Variants in ENTPD4 observed in about 807,000 individuals in gnomAD.
ENTPD4 encodes the protein Golgi UDPase.
A neutral mutation model predicts 79.1 loss-of-function variants in ENTPD4; 60 were observed. The observed-to-expected ratio is 0.76, with a 90% CI of 0.62 to 0.94. ENTPD4 has a LOEUF of 0.94. Ranked by LOEUF, ENTPD4 falls within the 40% of genes least tolerant of loss-of-function variation. ENTPD4 has a pLI of 0.00. For missense variants in ENTPD4, 772 were observed against 775.1 expected, an observed-to-expected ratio of 1.00 and a Z score of 0.05; for synonymous variants, 276 against 292.0, an observed-to-expected ratio of 0.95 and a Z score of 0.56.
chr8:23,431,447 A>C lies in ENTPD4; in HGVS notation c.*1479T>G, dbSNP rs369823136. On this transcript the variant is annotated 3_prime_UTR_variant, in exon 13 of 13. Transcript: ENST00000358689. ...CCCCAAACTTCTCAACTAAATAAAT[A>C]GGTGAAAAAACACCAATCTCACATA... 6.3e-5 allele frequency: 62 copies of C among 985,440 alleles called. No homozygotes were observed. In the Admixed American group the frequency reaches 9.2e-4, roughly 15 times the overall value. 61.0% of individuals were successfully genotyped at this position (985,440 alleles called of 1,614,324 possible). A position where few individuals can be genotyped will look rare whatever the true frequency, so the allele number is the denominator to read the frequency against.
chr8:23,441,498 A>C (rs1490419351), intron 8 of ENTPD4, 71 bp downstream of exon 8: 1 of 1,578,644 alleles, frequency 6.3e-7, no homozygotes, highest in Non-Finnish European at 8.6e-7. Flanking sequence ...CTCAGAAAAC[A>C]AAACAAGAAC....
intron 11 of ENTPD4, 181 bp from the exon 12 acceptor site, chr8:23,434,659 T>C (rs994910933): frequency 2.8e-6 from 4 of 1,432,018 alleles, no homozygotes; most frequent in Non-Finnish European, 3.7e-6. Context: ...ACATCCCTGG[T>C]CCCACAACAT....
chr8:23,451,550 A>AC (rs1800862029), intron 1 of ENTPD4, among the ~76,000 whole-genome samples: 1 of 152,026 alleles, frequency 6.6e-6, no homozygotes, highest in East Asian at 1.9e-4. Flanking sequence ...CTTGCTCAGG[A>AC]CCCCGATCAG....
Position 23,429,738 on chromosome 8 carries a change from G to A in ENTPD4, c.*3188C>T. 1.0e-6 allele frequency: 1 copy of A among 985,452 alleles called. No homozygotes were observed. Among genetic ancestry groups the A allele is most frequent in the Non-Finnish European group, 1.2e-6 (1 of 829,942 alleles). The allele number at this position is 985,452 out of a possible 1,614,324, so 61.0% of individuals were successfully genotyped here. A position where few individuals can be genotyped will look rare whatever the true frequency, so the allele number is the denominator to read the frequency against. ...CAGCCTTCAGGGTGGCTGGGCAGGGGCCCCATGTTACTGGCCTCAGCCACC... is the reference window on the plus strand; with the variant it reads ...CAGCCTTCAGGGTGGCTGGGCAGGGACCCCATGTTACTGGCCTCAGCCACC... On this transcript the variant is annotated 3_prime_UTR_variant, in exon 13 of 13. Transcript: ENST00000358689.
intron 1 of ENTPD4, among the ~76,000 whole-genome samples, chr8:23,456,956 G>A (rs1011587071): frequency 2.6e-5 from 4 of 152,136 alleles, no homozygotes; most frequent in African/African-American, 7.2e-5. Context: ...CTGCACTAGG[G>A]TTCATCTAAC....
Position 23,443,831 on chromosome 8 carries a change from T to C in ENTPD4, c.667+19A>G, listed in dbSNP as rs1294977009. On this transcript the variant is annotated intron_variant, in intron 6 of 12. Coordinates refer to ENST00000358689, the MANE Select transcript of ENTPD4 (RefSeq NM_004901.5). Reference sequence around the variant, plus strand: ...AGGAACAGCTTCCCAAATTTTAAACTGAAGACCAATATACCAACCTTCTTG... The same window carrying C: ...AGGAACAGCTTCCCAAATTTTAAACCGAAGACCAATATACCAACCTTCTTG... 6.5e-7 allele frequency: 1 copy of C among 1,531,532 alleles called. No individual in the cohort carries two copies. Among genetic ancestry groups the C allele is most frequent in the South Asian group, 1.1e-5 (1 of 88,666 alleles). 94.9% of individuals were successfully genotyped at this position (1,531,532 alleles called of 1,614,324 possible). A position where few individuals can be genotyped will look rare whatever the true frequency, so the allele number is the denominator to read the frequency against.
chr8:23,444,630 T>G, intron 4 of ENTPD4, 24 bp from the exon 5 acceptor site: 1 of 1,608,780 alleles, frequency 6.2e-7, no homozygotes. Context: ...ATACTTTAGT[T>G]AAGAAGCAGA....
intron 8 of ENTPD4, 188 bp downstream of exon 8, chr8:23,441,381 A>G (rs1240272567): frequency 6.1e-6 from 6 of 983,954 alleles, no homozygotes; most frequent in South Asian, 9.4e-5. Flanking sequence ...GCTGATTTCA[A>G]TGAACACACA....
chr8:23,448,807 T>C lies in ENTPD4; in HGVS notation c.141A>G (p.Leu47=). 1.9e-6 allele frequency: 3 copies of C among 1,614,114 alleles called. No individual in the cohort carries two copies. The highest frequency in any genetic ancestry group is 3.3e-4 in the Middle Eastern group (2 of 6,062). ...TTCGGATTATGACAACAGAAAAATA[T>C]AAAAGTGAAACAGCAGCAGCCAGGA... ...ISVLAAAVSL[L]YFSVVIIRNK... The change falls in exon 3 of 13, where the codon TTA becomes TTG. Residue 47 remains leucine, a synonymous_variant. Coordinates refer to ENST00000358689, the MANE Select transcript of ENTPD4 (RefSeq NM_004901.5).
chr8:23,442,678 T>A (rs1299621966), intron 6 of ENTPD4, among the ~76,000 whole-genome samples: 2 of 136,144 alleles, frequency 1.5e-5, no homozygotes, highest in African/African-American at 2.8e-5. Flanking sequence ...CGAGACTCCA[T>A]CTCAAAAAAA....
At chr8:23,451,982 T>A (rs1407267752) in intron 1 of ENTPD4, among the ~76,000 whole-genome samples, 2 of 152,214 alleles carry the variant, frequency 1.3e-5, no homozygotes, top group African/African-American at 4.8e-5. Flanking sequence ...GTTCCAAACA[T>A]TGTACAAATA....
chr8:23,456,781 T>A (rs1800966826), intron 1 of ENTPD4, among the ~76,000 whole-genome samples: 1 of 152,234 alleles, frequency 6.6e-6, no homozygotes, highest in East Asian at 1.9e-4. Context: ...GGTATTTTCA[T>A]CACAAAAAGG....
chr8:23,438,740 T>A (rs1800614325), intron 9 of ENTPD4, among the ~76,000 whole-genome samples: 1 of 152,206 alleles, frequency 6.6e-6, no homozygotes, highest in Admixed American at 6.5e-5. Flanking sequence ...CAATTAAAAA[T>A]ACAAAATCAT....
intron 10 of ENTPD4, 138 bp downstream of exon 10, chr8:23,436,796 G>T: frequency 2.7e-6 from 2 of 731,854 alleles, no homozygotes; most frequent in Admixed American, 2.6e-5. Context: ...CAAGCAAAGG[G>T]AACAGGATCC....
intron 11 of ENTPD4, 194 bp from the exon 12 acceptor site, chr8:23,434,672 A>T (rs1156749084): frequency 1.4e-6 from 2 of 1,420,836 alleles, no homozygotes; most frequent in Non-Finnish European, 1.8e-6. Context: ...CACAACATGG[A>T]GCAGTTCACC....
intron 6 of ENTPD4, 21 bp from the exon 7 acceptor site, chr8:23,442,087 G>C (rs1179466456): frequency 6.3e-7 from 1 of 1,595,070 alleles, no homozygotes; most frequent in African/African-American, 1.3e-5. Flanking sequence ...TTTACAGGGT[G>C]AAGAGAAGAA....
At chr8:23,455,261 G>C (rs972718365) in intron 1 of ENTPD4, among the ~76,000 whole-genome samples, 17 of 152,362 alleles carry the variant, frequency 1.1e-4, no homozygotes, top group African/African-American at 4.1e-4. Flanking sequence ...CAAAATCACA[G>C]AGAAGTCAGC....
intron 1 of ENTPD4, 104 bp from the exon 2 acceptor site, chr8:23,450,101 A>T (rs1167836912): frequency 3.2e-6 from 2 of 621,818 alleles, no homozygotes; most frequent in South Asian, 1.9e-5. Flanking sequence ...TCTATACATG[A>T]TCCTTGCACT....
chr8:23,448,489 C>T (rs1339113035), intron 3 of ENTPD4, among the ~76,000 whole-genome samples: 1 of 152,196 alleles, frequency 6.6e-6, no homozygotes, highest in African/African-American at 2.4e-5. Context: ...TTCAGGGAGC[C>T]CCCTCACCCC....
Sources: gnomAD v4.1 joint callset for allele counts (sites outside exome capture counted in the v4.1 genomes callset) on GRCh38, gnomAD v4.1.1 for gene constraint, MANE v1.5 for transcripts, NCBI Gene and HGNC (gene_info 2026-07-23, HGNC 2026-07-21) for gene names.